The following RTN4 variants were observed in gnomAD, a reference collection of about 807,000 sequenced individuals.
RTN4 encodes the protein reticulon 4.
Under a neutral mutation model 90.4 loss-of-function variants are expected in RTN4, and 32 were observed. That is an observed-to-expected ratio of 0.35 (90% CI 0.27 to 0.48). The LOEUF is 0.48. RTN4 is among the 20% of genes least tolerant of loss of function. RTN4 has a pLI of 0.99. For synonymous variants in RTN4, 629 were observed against 552.5 expected (o/e 1.14, Z -1.94); for missense variants, 1,706 against 1,430.2 (o/e 1.19, Z -3.11).
intron 3 of RTN4, among the ~76,000 whole-genome samples, chr2:54,989,951 C>CT (rs752484274): frequency 1.3e-5 from 2 of 151,894 alleles, no homozygotes; most frequent in Non-Finnish European, 2.9e-5. Flanking sequence ...AAAGACAGCC[C>CT]TTGGTAGGAT....
intron 1 of RTN4, among the ~76,000 whole-genome samples, chr2:55,039,865 C>A (rs754881603): frequency 1.3e-5 from 2 of 152,076 alleles, no homozygotes; most frequent in Non-Finnish European, 2.9e-5. Flanking sequence ...GTAGTTTTAC[C>A]CTCAACTCTT....
chr2:55,135,004 C>T, the RTN4 span, among the ~76,000 whole-genome samples: 1 of 152,058 alleles, frequency 6.6e-6, no homozygotes, highest in Non-Finnish European at 1.5e-5. Context: ...CATGGTGGCT[C>T]ACACCTACAA....
intron 1 of RTN4, among the ~76,000 whole-genome samples, chr2:55,045,838 C>T (rs1448518771): frequency 1.3e-5 from 2 of 152,166 alleles, no homozygotes; most frequent in African/African-American, 4.8e-5. Context: ...TGTCCAGAGA[C>T]CAGTTCGAAG....
chr2:55,002,056 T>C (rs976729021), intron 3 of RTN4, among the ~76,000 whole-genome samples: 12 of 151,882 alleles, frequency 7.9e-5, no homozygotes, highest in Non-Finnish European at 1.3e-4. Context: ...TTATTTTATT[T>C]ATTTATTTAT....
the RTN4 span, among the ~76,000 whole-genome samples, chr2:55,132,831 T>A: frequency 0.025 from 2,029 of 81,108 alleles, 31 homozygotes; most frequent in Middle Eastern, 0.07. Flanking sequence ...AAAAAAAAAT[T>A]GAAAATTAAA....
chr2:55,018,322 G>A (rs1307712117), intron 3 of RTN4, among the ~76,000 whole-genome samples: 4 of 152,220 alleles, frequency 2.6e-5, no homozygotes, highest in Admixed American at 2.6e-4. Flanking sequence ...AAAACTGGGA[G>A]AAAGAAAATC....
the RTN4 span, among the ~76,000 whole-genome samples, chr2:55,133,971 T>A: frequency 3.1e-3 from 476 of 152,258 alleles, 1 homozygote; most frequent in African/African-American, 0.011. Flanking sequence ...ATTTTGATGG[T>A]GATTTCTTAA....
At chr2:55,074,330 C>G (rs1668564165) in intron 2 of RTN4, among the ~76,000 whole-genome samples, 1 of 152,156 alleles carries the variant, frequency 6.6e-6, no homozygotes, top group East Asian at 1.9e-4. Flanking sequence ...AGCAAGACCC[C>G]TGTCTCTACA....
chr2:55,130,245 T>C, the RTN4 span, among the ~76,000 whole-genome samples: 1 of 152,232 alleles, frequency 6.6e-6, no homozygotes, highest in African/African-American at 2.4e-5. Context: ...AAAAAGTGAA[T>C]TGTTTAACAA....
intron 5 of RTN4, among the ~76,000 whole-genome samples, chr2:54,979,204 G>A (rs940689855): frequency 6.7e-6 from 1 of 148,334 alleles, no homozygotes; most frequent in Admixed American, 6.8e-5. Context: ...AGGCATGGGC[G>A]ACCATGGCTG....
intron 1 of RTN4, among the ~76,000 whole-genome samples, chr2:55,105,535 G>A (rs796363840): frequency 5.9e-5 from 9 of 152,030 alleles, no homozygotes; most frequent in African/African-American, 2.2e-4. Flanking sequence ...GGCTGAGATT[G>A]TTTTTCTAAT....
upstream of RTN4, among the ~76,000 whole-genome samples, chr2:55,052,767 T>G (rs981211870): frequency 1.3e-5 from 2 of 152,226 alleles, no homozygotes; most frequent in African/African-American, 4.8e-5. Flanking sequence ...CTAACAGTAT[T>G]TTATGATACG....
chr2:55,070,905 T>C (rs936169258), intron 2 of RTN4, among the ~76,000 whole-genome samples: 1 of 151,772 alleles, frequency 6.6e-6, no homozygotes, highest in Non-Finnish European at 1.5e-5. Context: ...GCCTCCCGAG[T>C]AGCTGGGACT....
At chr2:55,135,608 CAAT>C in the RTN4 span, among the ~76,000 whole-genome samples, 1 of 152,114 alleles carries the variant, frequency 6.6e-6, no homozygotes, top group Non-Finnish European at 1.5e-5. Flanking sequence ...AATTGGCACA[CAAT>C]AAACTGCACA....
At chr2:55,024,352 A>AAG (rs1681662351) in intron 3 of RTN4, among the ~76,000 whole-genome samples, 1 of 152,206 alleles carries the variant, frequency 6.6e-6, no homozygotes, top group African/African-American at 2.4e-5. Flanking sequence ...GATGAGCTGG[A>AAG]CTGTACTGCT....
chr2:55,005,741 G>T (rs1680161866), intron 3 of RTN4, among the ~76,000 whole-genome samples: 1 of 152,172 alleles, frequency 6.6e-6, no homozygotes, highest in Non-Finnish European at 1.5e-5. Context: ...TATACGTAAT[G>T]AGGTATCTTG....
At position 55,107,481 on chromosome 2, in the gene RTN4, C is replaced by G. The variant is rs559360315; in HGVS notation, c.-214+5039G>C. The stretch of plus-strand genomic sequence containing the variant: ...TAGGCCCTACTTTCTTGCCCTTGCT[C>G]ATTCTCACAGGGGAAGGCAGAACAA... On this transcript the variant is annotated intron_variant, in intron 1 of 3. Coordinates refer to the RTN4 transcript ENST00000427710. Among the ~76,000 whole-genome samples, 4 of 151,040 alleles carry G rather than the reference C, an allele frequency of 2.6e-5. No homozygotes were observed. The South Asian group carries it at 8.4e-4, about 32-fold the overall frequency.
intron 2 of RTN4, among the ~76,000 whole-genome samples, chr2:55,067,579 A>AT (rs1457596544): frequency 1.3e-5 from 2 of 151,936 alleles, no homozygotes; most frequent in Non-Finnish European, 2.9e-5. Context: ...CACCGAGCTA[A>AT]TTTTTTTGTA....
At chr2:55,094,886 C>T (rs532100218) in intron 1 of RTN4, among the ~76,000 whole-genome samples, 1 of 152,154 alleles carries the variant, frequency 6.6e-6, no homozygotes, top group East Asian at 1.9e-4. Context: ...AGATGCACAG[C>T]AAGAAATTCA....
Sources: gnomAD v4.1 joint callset for allele counts (sites outside exome capture counted in the v4.1 genomes callset) on GRCh38, gnomAD v4.1.1 for gene constraint, MANE v1.5 for transcripts, NCBI Gene and HGNC (gene_info 2026-07-23, HGNC 2026-07-21) for gene names.